Variants in SLC22A25 observed in about 807,000 individuals in gnomAD.
SLC22A25 encodes the protein MGI:2442751, MGI:2385316, MGI:3042283, MGI:3645714, MGI:3605624, MGI:2442750.
SLC22A25 carries 44 observed loss-of-function variants against 45.9 expected under a neutral mutation model. The observed-to-expected ratio is 0.96, with a 90% CI of 0.75 to 1.23. The LOEUF is 1.23. Ranked by LOEUF, SLC22A25 falls within the 50% of genes most tolerant of loss-of-function variation. The pLI is 0.00. For missense variants in SLC22A25, 800 were observed against 666.4 expected (o/e 1.20, Z -2.21); for synonymous variants, 283 against 238.6 (o/e 1.19, Z -1.72).
At chr11:63,187,539 C>T (rs1403385474) in intron 7 of SLC22A25, among the ~76,000 whole-genome samples, 1 of 151,994 alleles carries the variant, frequency 6.6e-6, no homozygotes, top group Non-Finnish European at 1.5e-5. Flanking sequence ...CATTTATTTC[C>T]TTCTCCTGCC....
Position 63,229,786 on chromosome 11 carries a change from C to T in SLC22A25, c.-134G>A, listed in dbSNP as rs993703220. 1.1e-6 allele frequency: 1 copy of T among 888,354 alleles called. No homozygotes were observed. The highest frequency in any genetic ancestry group is 1.7e-5 in the African/African-American group (1 of 60,032). 55.0% of individuals were successfully genotyped at this position (888,354 alleles called of 1,614,324 possible). On this transcript the variant is annotated 5_prime_UTR_variant, in exon 4 of 12. Coordinates refer to ENST00000306494, the MANE Select transcript of SLC22A25 (RefSeq NM_199352.6). The stretch of plus-strand genomic sequence containing the variant: ...CTGACCCCACTCTCTTCTTAATGGG[C>T]CCTCTCTCCCATCTGCAGCAGGGTC...
At chr11:63,208,033 G>A (rs576923740) in intron 7 of SLC22A25, 1 of 152,206 alleles carries the variant, frequency 6.6e-6, no homozygotes, top group East Asian at 1.9e-4. Context: ...GAACCCCATT[G>A]GTCTCTCTGA....
Position 63,160,120 on chromosome 11 carries a change from G to A in SLC22A25, c.*3704C>T, listed in dbSNP as rs188723565. ...AGAAAATAAAAACCCATTTTCTGAG[G>A]AGAAATTCAAGCCTGCTGCAGAAAT... On this transcript the variant is annotated 3_prime_UTR_variant, in exon 12 of 12. Coordinates refer to ENST00000306494, the MANE Select transcript of SLC22A25 (RefSeq NM_199352.6). 1.3e-5 allele frequency among the ~76,000 whole-genome samples: 2 copies of A among 152,338 alleles called. No individual in the cohort carries two copies. The highest frequency in any genetic ancestry group is 1.3e-4 in the Admixed American group (2 of 15,304).
rs894877445 is a variant in SLC22A25, at chr11:63,160,688, C to A, written c.*3136G>T. ...GGCATTGACAGCTTGCACTGCACACCTGGAAAAGCTGCAGACACTCAATGC... is the reference window on the plus strand; with the variant it reads ...GGCATTGACAGCTTGCACTGCACACATGGAAAAGCTGCAGACACTCAATGC... On this transcript the variant is annotated 3_prime_UTR_variant, in exon 12 of 12. Transcript: ENST00000306494. Among the ~76,000 whole-genome samples, 8 of 152,158 alleles carry A rather than the reference C, an allele frequency of 5.3e-5. No individual in the cohort carries two copies. Among genetic ancestry groups the A allele is most frequent in the Admixed American group, 1.3e-4 (2 of 15,272 alleles).
chr11:63,170,994 C>T (rs2087860965), intron 9 of SLC22A25, among the ~76,000 whole-genome samples: 1 of 152,164 alleles, frequency 6.6e-6, no homozygotes, highest in Non-Finnish European at 1.5e-5. Flanking sequence ...CCCTGGGATG[C>T]AAGGCTGGTC....
At chr11:63,217,776 AC>A (rs1465010726) in intron 5 of SLC22A25, 41 bp from the exon 6 acceptor site, 5 of 1,559,208 alleles carry the variant, frequency 3.2e-6, no homozygotes, top group Non-Finnish European at 4.3e-6. Flanking sequence ...AACAATAACA[AC>A]CTTTGGGAAA....
chr11:63,217,432 G>T lies in SLC22A25; in HGVS notation c.712C>A (p.Leu238Ile), dbSNP rs1221621627. 1 of 1,614,084 alleles carries T rather than the reference G, an allele frequency of 6.2e-7. No individual in the cohort carries two copies. Among genetic ancestry groups the T allele is most frequent in the Non-Finnish European group, 8.5e-7 (1 of 1,180,024 alleles). Residue 238 changes from leucine (L) to isoleucine (I), a missense_variant, in exon 7 of 12, where the codon CTT becomes ATT. Physicochemically the swap from Leu to Ile is conservative, Grantham distance 5. Transcript: ENST00000306494. ...QFCAMALTLT[L>I]CAASIGHITL... is the part of the protein sequence containing the mutation. ...ATATGTCCAATACTAGCAGCACAAAGTGTCAATGTCAATGCCATGGCACAG... is the reference window on the plus strand; with the variant it reads ...ATATGTCCAATACTAGCAGCACAAATTGTCAATGTCAATGCCATGGCACAG...
chr11:63,199,113 T>C (rs1463978476), intron 7 of SLC22A25, among the ~76,000 whole-genome samples: 1 of 151,842 alleles, frequency 6.6e-6, no homozygotes, highest in Non-Finnish European at 1.5e-5. Context: ...CTAATAAAGA[T>C]TCATTTTTTG....
intron 7 of SLC22A25, among the ~76,000 whole-genome samples, chr11:63,200,841 C>T (rs893661445): frequency 2.6e-5 from 4 of 152,182 alleles, no homozygotes; most frequent in Non-Finnish European, 5.9e-5. Context: ...GCAAAAATCA[C>T]TAGCATTCCT....
intron 7 of SLC22A25, among the ~76,000 whole-genome samples, chr11:63,207,301 G>A (rs187510866): frequency 7.2e-5 from 11 of 152,306 alleles, no homozygotes; most frequent in Admixed American, 4.6e-4. Context: ...CTTCTGCACA[G>A]CATTGGTAAC....
At chr11:63,175,804 T>C (rs1170349319) in intron 9 of SLC22A25, among the ~76,000 whole-genome samples, 1 of 151,758 alleles carries the variant, frequency 6.6e-6, no homozygotes, top group Non-Finnish European at 1.5e-5. Context: ...TCAATTTCAT[T>C]TAATAAAGAA....
intron 7 of SLC22A25, among the ~76,000 whole-genome samples, chr11:63,196,710 TTC>T (rs1425233676): frequency 6.6e-6 from 1 of 152,130 alleles, no homozygotes; most frequent in African/African-American, 2.4e-5. Flanking sequence ...CAGGGATGCC[TTC>T]TCTCACCAGT....
At chr11:63,182,117 T>C (rs918432246) in intron 8 of SLC22A25, among the ~76,000 whole-genome samples, 1 of 152,004 alleles carries the variant, frequency 6.6e-6, no homozygotes, top group Non-Finnish European at 1.5e-5. Context: ...CACACACATA[T>C]GGATAATATT....
chr11:63,170,411 G>A (rs144894702), intron 9 of SLC22A25, among the ~76,000 whole-genome samples: 5,112 of 152,012 alleles, frequency 0.034, 118 homozygotes, highest in Non-Finnish European at 0.056. Context: ...AAAATAAATA[G>A]ACTGCTAGCA....
In SLC22A25 at chr11:63,163,843, T is replaced by C; in HGVS notation, c.1625A>G (p.Gln542Arg). The C allele has an allele frequency of 6.2e-7, 1 of 1,613,602 alleles. No homozygotes were observed. Among genetic ancestry groups the C allele is most frequent in the Non-Finnish European group, 8.5e-7 (1 of 1,179,708 alleles). ...ACAGACCTATAGCACAGAGCTCCTC[T>C]GAGGGGCAGCTAGGCTATTTACTCC... ...NEGVNSLAAP[Q>R]RSSVL Residue 542 changes from glutamine (Q) to arginine (R), a missense_variant, in exon 12 of 12, where the codon CAG (glutamine) becomes CGG (arginine). By Grantham distance (43) the Gln-to-Arg change is conservative. Transcript: ENST00000306494.
At chr11:63,168,252 G>A (rs1462107931) in intron 9 of SLC22A25, among the ~76,000 whole-genome samples, 2 of 152,162 alleles carry the variant, frequency 1.3e-5, no homozygotes, top group East Asian at 1.9e-4. Flanking sequence ...AAAACCGAAT[G>A]CGTCTTCTCC....
At chr11:63,170,715 A>G (rs2087848446) in intron 9 of SLC22A25, among the ~76,000 whole-genome samples, 1 of 152,138 alleles carries the variant, frequency 6.6e-6, no homozygotes, top group Non-Finnish European at 1.5e-5. Flanking sequence ...ATGGATTCAC[A>G]CCTGAATTCT....
chr11:63,211,250 C>T (rs1273470918), intron 7 of SLC22A25, among the ~76,000 whole-genome samples: 1 of 152,156 alleles, frequency 6.6e-6, no homozygotes, highest in Non-Finnish European at 1.5e-5. Flanking sequence ...ACATCTAAAT[C>T]AGCTCTATGA....
At chr11:63,214,775 T>C (rs566592998) in intron 7 of SLC22A25, among the ~76,000 whole-genome samples, 9 of 151,818 alleles carry the variant, frequency 5.9e-5, no homozygotes, top group African/African-American at 2.2e-4. Flanking sequence ...ACTTAACTCT[T>C]TGTTCAGGGC....
Sources: gnomAD v4.1 joint callset for allele counts (sites outside exome capture counted in the v4.1 genomes callset) on GRCh38, gnomAD v4.1.1 for gene constraint, MANE v1.5 for transcripts, NCBI Gene and HGNC (gene_info 2026-07-23, HGNC 2026-07-21) for gene names.